The following NFATC2 variants were observed in gnomAD, a reference collection of about 807,000 sequenced individuals.
The protein encoded by NFATC2 is nuclear factor of activated T cells 2.
In NFATC2, 22 loss-of-function variants were observed where a neutral mutation model predicts 87.3. The ratio of observed to expected loss-of-function variants is 0.25; its 90% CI spans 0.18 to 0.36. NFATC2 has a LOEUF of 0.36. Ranked by LOEUF, NFATC2 falls within the 10% of genes least tolerant of loss-of-function variation. The pLI, the probability that NFATC2 is intolerant of heterozygous loss-of-function variation, is 1.00. For missense variants in NFATC2, 1,149 were observed against 1,259.1 expected, an observed-to-expected ratio of 0.91 and a Z score of 1.32; for synonymous variants, 565 against 542.2, an observed-to-expected ratio of 1.04 and a Z score of -0.58.
At chr20:51,492,278 G>C in intron 3 of NFATC2, among the ~76,000 whole-genome samples, 1 of 151,724 alleles carries the variant, frequency 6.6e-6, no homozygotes, top group Non-Finnish European at 1.5e-5. Flanking sequence ...ACCGAGCCCC[G>C]CCGCACCCCG....
intron 5 of NFATC2, among the ~76,000 whole-genome samples, chr20:51,472,451 T>C (rs1316729527): frequency 2.0e-5 from 3 of 152,118 alleles, no homozygotes; most frequent in East Asian, 1.9e-4. Context: ...GAAGTTGATA[T>C]TGTGACACCT....
intron 3 of NFATC2, among the ~76,000 whole-genome samples, chr20:51,503,517 T>A (rs1600889648): frequency 6.6e-6 from 1 of 152,146 alleles, no homozygotes; most frequent in Non-Finnish European, 1.5e-5. Context: ...CACTGGGAGC[T>A]CATCCTCCTG....
At chr20:51,485,847 T>C (rs1172636171) in intron 3 of NFATC2, among the ~76,000 whole-genome samples, 1 of 152,200 alleles carries the variant, frequency 6.6e-6, no homozygotes, top group African/African-American at 2.4e-5. Context: ...TTTTCATCTA[T>C]GGCTGGGTGA....
intron 8 of NFATC2, among the ~76,000 whole-genome samples, chr20:51,434,796 G>A (rs553940799): frequency 7.9e-5 from 12 of 152,254 alleles, no homozygotes; most frequent in South Asian, 2.1e-4. Flanking sequence ...ACATGGGGGG[G>A]TCACATAAAG....
chr20:51,395,848 C>A (rs1600643445), intron 10 of NFATC2, among the ~76,000 whole-genome samples: 1 of 151,778 alleles, frequency 6.6e-6, no homozygotes, highest in East Asian at 1.9e-4. Context: ...CAACAAACTT[C>A]TCCTGGAAAG....
intron 2 of NFATC2, among the ~76,000 whole-genome samples, chr20:51,518,628 T>A (rs1443058781): frequency 6.6e-6 from 1 of 152,044 alleles, no homozygotes; most frequent in African/African-American, 2.4e-5. Context: ...TATCAAATAA[T>A]CACTCACATC....
chr20:51,441,255 C>A (rs1984294718), intron 6 of NFATC2, among the ~76,000 whole-genome samples: 2 of 151,816 alleles, frequency 1.3e-5, no homozygotes, highest in African/African-American at 4.8e-5. Context: ...TGCACTCCAG[C>A]CTGGGTGACA....
chr20:51,461,399 G>A (rs1350860392), intron 5 of NFATC2, among the ~76,000 whole-genome samples: 1 of 152,204 alleles, frequency 6.6e-6, no homozygotes, highest in Non-Finnish European at 1.5e-5. Flanking sequence ...CAGGCCTGCG[G>A]GTGAAGTCTT....
chr20:51,468,647 C>A (rs1253516590), intron 5 of NFATC2, among the ~76,000 whole-genome samples: 1 of 152,226 alleles, frequency 6.6e-6, no homozygotes, highest in East Asian at 1.9e-4. Context: ...TCATTGCAGC[C>A]TTTTTCTCCC....
intron 9 of NFATC2, among the ~76,000 whole-genome samples, chr20:51,419,322 G>A (rs1204957587): frequency 6.6e-6 from 1 of 152,204 alleles, no homozygotes; most frequent in African/African-American, 2.4e-5. Context: ...AGCCTCCTCT[G>A]TGGCTCAGTG....
At chr20:51,411,161 A>C (rs1035546941) in intron 9 of NFATC2, among the ~76,000 whole-genome samples, 13 of 152,192 alleles carry the variant, frequency 8.5e-5, no homozygotes, top group African/African-American at 3.1e-4. Context: ...TCAGTAAATC[A>C]AGGCTCAGTG....
At chr20:51,455,670 C>G (rs1231429777) in intron 5 of NFATC2, among the ~76,000 whole-genome samples, 2 of 102,694 alleles carry the variant, frequency 1.9e-5, no homozygotes, top group Middle Eastern at 4.9e-3. Flanking sequence ...AAGCCTAGAC[C>G]AGGAATAGTG....
chr20:51,542,837 G>T, upstream of NFATC2: 2 of 586,698 alleles, frequency 3.4e-6, no homozygotes, highest in East Asian at 1.4e-4. Flanking sequence ...GGAGGGGCGC[G>T]CGGCCTGGGC....
rs1161598870 is a variant in NFATC2, at chr20:51,517,900, G to C, written c.1161-945C>G. ...CCACTGCACTTTAGCCTGGGTAACA[G>C]AGAGACTGTCTCAAAAAAAAAAAAA... On this transcript the variant is annotated intron_variant, in intron 2 of 10. Transcript: ENST00000371564. 3.0e-5 allele frequency among the ~76,000 whole-genome samples: 4 copies of C among 132,228 alleles called. No homozygotes were observed. The South Asian group carries it at 1.1e-3, about 35-fold the overall frequency. The allele number at this position is 132,228 out of a possible 152,430, so 86.7% of individuals were successfully genotyped here. A position where few individuals can be genotyped will look rare whatever the true frequency, so the allele number is the denominator to read the frequency against.
chr20:51,540,293 G>A (rs1237465445), intron 1 of NFATC2, among the ~76,000 whole-genome samples: 11 of 152,152 alleles, frequency 7.2e-5, no homozygotes, highest in African/African-American at 2.2e-4. Flanking sequence ...GATTACAGGC[G>A]TGAGCCACCA....
chr20:51,395,796 AT>A (rs1286900498), intron 10 of NFATC2, among the ~76,000 whole-genome samples: 1 of 152,088 alleles, frequency 6.6e-6, no homozygotes, highest in Non-Finnish European at 1.5e-5. Flanking sequence ...TAATATTCTA[AT>A]AAAAATGGCT....
intron 1 of NFATC2, among the ~76,000 whole-genome samples, chr20:51,549,454 A>T (rs1359166134): frequency 6.6e-6 from 1 of 152,198 alleles, no homozygotes; most frequent in Non-Finnish European, 1.5e-5. Flanking sequence ...AGTTCTTTAC[A>T]ACAAGACTGG....
chr20:51,481,526 C>T (rs1989255168), intron 3 of NFATC2, among the ~76,000 whole-genome samples: 1 of 152,120 alleles, frequency 6.6e-6, no homozygotes, highest in Non-Finnish European at 1.5e-5. Flanking sequence ...TGTAATTTCC[C>T]AGGCAGTTGA....
chr20:51,541,448 C>T (rs569720609), intron 1 of NFATC2, among the ~76,000 whole-genome samples: 1 of 152,318 alleles, frequency 6.6e-6, no homozygotes, highest in East Asian at 1.9e-4. Flanking sequence ...CTTCCCCCTC[C>T]TCCTCCTCCT....
Sources: gnomAD v4.1 joint callset for allele counts (sites outside exome capture counted in the v4.1 genomes callset) on GRCh38, gnomAD v4.1.1 for gene constraint, MANE v1.5 for transcripts, NCBI Gene and HGNC (gene_info 2026-07-23, HGNC 2026-07-21) for gene names.